Variants in PPFIA2 observed in about 807,000 individuals in gnomAD.
PPFIA2 encodes PPFI scaffold protein A2, also known as liprin-alpha-2.
In PPFIA2, 46 loss-of-function variants were observed where a neutral mutation model predicts 175.5. That is an observed-to-expected ratio of 0.26 (90% CI 0.21 to 0.34). The LOEUF (loss-of-function observed/expected upper bound fraction) is 0.34. PPFIA2 is among the 10% of genes least tolerant of loss of function. The pLI is 1.00. For missense variants in PPFIA2, 1,179 were observed against 1,506.1 expected (o/e 0.78, Z 3.60); for synonymous variants, 568 against 511.4 (o/e 1.11, Z -1.49).
intron 4 of PPFIA2, among the ~76,000 whole-genome samples, chr12:81,479,131 T>G (rs1211931202): frequency 6.6e-6 from 1 of 152,202 alleles, no homozygotes; most frequent in Non-Finnish European, 1.5e-5. Context: ...TTTAGGATAG[T>G]TAGCTCTACT....
chr12:81,590,082 A>C (rs1300178916), intron 4 of PPFIA2, among the ~76,000 whole-genome samples: 1 of 152,150 alleles, frequency 6.6e-6, no homozygotes. Context: ...GCATGAATGC[A>C]TATAATTGGG....
At chr12:81,605,591 T>C (rs2060207379) in intron 4 of PPFIA2, among the ~76,000 whole-genome samples, 1 of 151,932 alleles carries the variant, frequency 6.6e-6, no homozygotes. Context: ...GGATAACATA[T>C]GAACGCTAGT....
At chr12:81,400,862 T>C (rs898559974) in intron 8 of PPFIA2, among the ~76,000 whole-genome samples, 1 of 152,144 alleles carries the variant, frequency 6.6e-6, no homozygotes, top group African/African-American at 2.4e-5. Flanking sequence ...CCTCATTTGT[T>C]GTATGGTCAT....
Position 81,631,940 on chromosome 12 carries a change from A to G in PPFIA2, c.303+44851T>C, listed in dbSNP as rs1393690103. ...TATTTAGTACATCTTAGCTATTAAT[A>G]TCAATAATAAGGACAAATTAAATAT... On this transcript the variant is annotated intron_variant, in intron 4 of 32. Coordinates refer to ENST00000549396, the MANE Select transcript of PPFIA2 (RefSeq NM_003625.5). Among the ~76,000 whole-genome samples the G allele has an allele frequency of 2.0e-5, 3 of 152,336 alleles. No individual in the cohort carries two copies. In the East Asian group the frequency reaches 5.8e-4, roughly 29 times the overall value.
Position 81,267,895 on chromosome 12 carries a change from A to T in PPFIA2, c.3486+17T>A, listed in dbSNP as rs2136291526. Reference sequence around the variant, plus strand: ...ATAAACCAGAACACATTGAGACTACAGCAGAAAGTGACTTGCCTGGGTGTT... The same window carrying T: ...ATAAACCAGAACACATTGAGACTACTGCAGAAAGTGACTTGCCTGGGTGTT... On this transcript the variant is annotated intron_variant, in intron 29 of 32. Coordinates refer to ENST00000549396, the MANE Select transcript of PPFIA2 (RefSeq NM_003625.5). 1.3e-6 allele frequency: 2 copies of T among 1,576,072 alleles called. No individual in the cohort carries two copies. The highest frequency in any genetic ancestry group is 1.3e-5 in the African/African-American group (1 of 74,168).
chr12:81,688,825 C>G (rs912496025), intron 3 of PPFIA2, among the ~76,000 whole-genome samples: 1 of 68,602 alleles, frequency 1.5e-5, no homozygotes, highest in South Asian at 4.9e-4. Flanking sequence ...ATATATATAT[C>G]TGCTTTTAAA....
At chr12:81,746,023 G>A (rs1244645331) in intron 3 of PPFIA2, among the ~76,000 whole-genome samples, 5 of 145,672 alleles carry the variant, frequency 3.4e-5, no homozygotes, top group African/African-American at 9.7e-5. Flanking sequence ...TGGAGTTTGA[G>A]TTAAGACAAA....
At position 81,565,047 on chromosome 12, in the gene PPFIA2, T is replaced by C. The variant is rs1595007433; in HGVS notation, c.304-107181A>G. Among the ~76,000 whole-genome samples, 9 of 152,298 alleles carry C rather than the reference T, an allele frequency of 5.9e-5. No individual in the cohort carries two copies. In the South Asian group the frequency reaches 1.0e-3, roughly 18 times the overall value. ...GGAATGGGGATGTGTGGGAGGACCC[T>C]GATAAAGCTGGAGATACTGAGTTTA... On this transcript the variant is annotated intron_variant, in intron 4 of 32. Transcript: ENST00000549396.
intron 4 of PPFIA2, among the ~76,000 whole-genome samples, chr12:81,468,406 C>T (rs1251777028): frequency 2.0e-5 from 3 of 152,200 alleles, no homozygotes; most frequent in African/African-American, 7.2e-5. Flanking sequence ...AGGGCTGAGT[C>T]ATTGCCAACC....
intron 22 of PPFIA2, among the ~76,000 whole-genome samples, chr12:81,315,586 G>A (rs887512028): frequency 4.0e-5 from 6 of 151,772 alleles, no homozygotes; most frequent in Admixed American, 3.3e-4. Flanking sequence ...GAATTGGTAA[G>A]TTTGAAAGAA....
intron 30 of PPFIA2, among the ~76,000 whole-genome samples, chr12:81,265,110 T>C (rs1054226992): frequency 6.7e-6 from 1 of 150,342 alleles, no homozygotes; most frequent in Admixed American, 6.6e-5. Flanking sequence ...CTGACCAACA[T>C]GGAGAAACCC....
chr12:81,336,747 G>C (rs2057194375), intron 21 of PPFIA2, among the ~76,000 whole-genome samples: 2 of 152,044 alleles, frequency 1.3e-5, no homozygotes, highest in South Asian at 2.1e-4. Flanking sequence ...TTTCAAATTT[G>C]GTACTTTGAC....
intron 6 of PPFIA2, among the ~76,000 whole-genome samples, chr12:81,443,372 G>C (rs2050588000): frequency 1.3e-5 from 2 of 152,086 alleles, no homozygotes; most frequent in Non-Finnish European, 2.9e-5. Context: ...AATCAGTCCA[G>C]TTGTCCCTGA....
At chr12:81,263,896 AAT>A (rs1266954419) in intron 30 of PPFIA2, among the ~76,000 whole-genome samples, 5 of 152,206 alleles carry the variant, frequency 3.3e-5, no homozygotes, top group Non-Finnish European at 7.3e-5. Flanking sequence ...AGCCTATTAT[AAT>A]ATCTGTACAA....
rs545764267 is a variant in PPFIA2 at position 81,295,535 on chromosome 12, T to C, written c.2725-500A>G. Among the ~76,000 whole-genome samples, 333 of 152,310 alleles carry C rather than the reference T, an allele frequency of 2.2e-3. 1 individual carries two copies. The highest frequency in any genetic ancestry group is 7.5e-3 in the African/African-American group (312 of 41,566). On this transcript the variant is annotated intron_variant, in intron 23 of 32. Coordinates refer to ENST00000549396, the MANE Select transcript of PPFIA2 (RefSeq NM_003625.5). ...AGCATGCAGTGTAGCTAAGCCACAT[T>C]TCCACCTACCTTCCTACACCATGTG...
chr12:81,448,577 T>G (rs2051780130), intron 5 of PPFIA2, among the ~76,000 whole-genome samples: 1 of 152,218 alleles, frequency 6.6e-6, no homozygotes, highest in African/African-American at 2.4e-5. Flanking sequence ...GATCTAAATT[T>G]TCTGAACTTA....
At chr12:81,485,665 A>C (rs1053742148) in intron 4 of PPFIA2, among the ~76,000 whole-genome samples, 32 of 152,068 alleles carry the variant, frequency 2.1e-4, no homozygotes, top group African/African-American at 7.5e-4. Flanking sequence ...AGGTATTTCA[A>C]ATTTTGTGCA....
intron 4 of PPFIA2, among the ~76,000 whole-genome samples, chr12:81,509,214 T>C (rs1200949055): frequency 6.6e-6 from 1 of 152,132 alleles, no homozygotes; most frequent in African/African-American, 2.4e-5. Flanking sequence ...TTTAGATGTG[T>C]AGATGGTGAA....
chr12:81,436,176 A>C (rs116916729), intron 7 of PPFIA2, among the ~76,000 whole-genome samples: 13,016 of 150,462 alleles, frequency 0.087, 808 homozygotes, highest in Middle Eastern at 0.16. Flanking sequence ...AGCTACTCGT[A>C]AGGCTGAGGC....
Sources: allele counts gnomAD v4.1 joint callset (sites outside exome capture counted in the v4.1 genomes callset), GRCh38; gene constraint gnomAD v4.1.1; transcripts MANE v1.5; gene names NCBI Gene and HGNC (gene_info 2026-07-23, HGNC 2026-07-21).